LIN7A: variants seen among roughly 807,000 people sequenced by gnomAD.
LIN7A encodes protein lin-7 homolog A.
In LIN7A, 25 loss-of-function variants were observed where a neutral mutation model predicts 29.8. The observed-to-expected ratio is 0.84, with a 90% CI of 0.61 to 1.17. The LOEUF is 1.17. Among genes scored for constraint, LIN7A ranks in the 50% most tolerant of loss-of-function variants. The pLI is 0.00. For missense variants in LIN7A, 239 were observed against 287.0 expected (o/e 0.83, Z 1.21); for synonymous variants, 118 against 107.5 (o/e 1.10, Z -0.60).
chr12:80,860,576 A>C (rs1354288288), intron 2 of LIN7A, among the ~76,000 whole-genome samples: 3 of 152,206 alleles, frequency 2.0e-5, no homozygotes, highest in Non-Finnish European at 1.5e-5. Flanking sequence ...GAGTTAATTC[A>C]GGGTGGTGAA....
At chr12:80,886,702 C>T (rs1175791406) in intron 2 of LIN7A, among the ~76,000 whole-genome samples, 1 of 151,920 alleles carries the variant, frequency 6.6e-6, no homozygotes, top group East Asian at 1.9e-4. Context: ...ATCTGCTTTC[C>T]CTGTGAAAAT....
chr12:80,890,767 C>G (rs758669322), intron 1 of LIN7A, among the ~76,000 whole-genome samples: 1 of 152,056 alleles, frequency 6.6e-6, no homozygotes, highest in Non-Finnish European at 1.5e-5. Flanking sequence ...CCAGACACTT[C>G]CGTAATCAAT....
intron 5 of LIN7A, among the ~76,000 whole-genome samples, chr12:80,807,598 T>G: frequency 6.6e-6 from 1 of 152,214 alleles, no homozygotes; most frequent in East Asian, 1.9e-4. Context: ...AGAATTGGTA[T>G]AAGTCTATAT....
intron 4 of LIN7A, among the ~76,000 whole-genome samples, chr12:80,836,927 T>A (rs1565895882): frequency 6.6e-6 from 1 of 151,910 alleles, no homozygotes; most frequent in Non-Finnish European, 1.5e-5. Context: ...CTGCATGTTT[T>A]CACGTACATT....
intron 2 of LIN7A, among the ~76,000 whole-genome samples, chr12:80,849,407 C>T (rs975725310): frequency 6.6e-6 from 1 of 152,138 alleles, no homozygotes. Flanking sequence ...ATTTTCCCTG[C>T]CCTGCTTCTC....
chr12:80,840,659 T>C lies in LIN7A; in HGVS notation c.483+5071A>G, dbSNP rs971526943. On this transcript the variant is annotated intron_variant, in intron 4 of 5. Coordinates refer to ENST00000552864, the MANE Select transcript of LIN7A (RefSeq NM_004664.4). ...TTTCCATTCAGAAAAAAATGTCTTA[T>C]GAATAGGGTACACAGAGCATAGGTA... Among the ~76,000 whole-genome samples the C allele has an allele frequency of 4.6e-5, 7 of 152,340 alleles. No individual in the cohort carries two copies. The South Asian group carries it at 1.2e-3, about 27-fold the overall frequency.
chr12:80,917,142 T>G (rs1345938387), intron 1 of LIN7A, among the ~76,000 whole-genome samples: 1 of 152,148 alleles, frequency 6.6e-6, no homozygotes, highest in Non-Finnish European at 1.5e-5. Flanking sequence ...GGGTAAGTTA[T>G]TATCTAAGGA....
chr12:80,828,119 T>C (rs998820064), intron 4 of LIN7A, among the ~76,000 whole-genome samples: 1 of 152,214 alleles, frequency 6.6e-6, no homozygotes, highest in South Asian at 2.1e-4. Context: ...AATTTATATC[T>C]TCATAAAACA....
chr12:80,851,286 T>C (rs1049771862), intron 2 of LIN7A, among the ~76,000 whole-genome samples: 3 of 152,028 alleles, frequency 2.0e-5, no homozygotes, highest in African/African-American at 7.2e-5. Flanking sequence ...CAGTGAAATA[T>C]CATTTTAATC....
intron 2 of LIN7A, among the ~76,000 whole-genome samples, chr12:80,881,554 TTAAA>T (rs1263275144): frequency 6.6e-6 from 1 of 151,888 alleles, no homozygotes; most frequent in Non-Finnish European, 1.5e-5. Context: ...TATTAAAACA[TTAAA>T]TACATTAAAA....
At chr12:80,830,294 A>G (rs1415031842) in intron 4 of LIN7A, among the ~76,000 whole-genome samples, 1 of 152,220 alleles carries the variant, frequency 6.6e-6, no homozygotes, top group Non-Finnish European at 1.5e-5. Flanking sequence ...CTAAAATAGA[A>G]AAACTAAGTA....
chr12:80,892,448 A>AG (rs1386556267), intron 1 of LIN7A, among the ~76,000 whole-genome samples: 2 of 152,184 alleles, frequency 1.3e-5, no homozygotes, highest in African/African-American at 4.8e-5. Flanking sequence ...CTGGACTAGG[A>AG]GAAAAAGGCA....
At chr12:80,833,665 T>A (rs1290262571) in intron 4 of LIN7A, among the ~76,000 whole-genome samples, 1 of 152,216 alleles carries the variant, frequency 6.6e-6, no homozygotes, top group African/African-American at 2.4e-5. Context: ...TCAACCCTAC[T>A]CTTTAGCTAC....
intron 4 of LIN7A, among the ~76,000 whole-genome samples, chr12:80,840,876 T>C (rs1310850575): frequency 6.6e-6 from 1 of 152,152 alleles, no homozygotes; most frequent in African/African-American, 2.4e-5. Context: ...GATCAGGTGG[T>C]CTCCTAATCT....
At chr12:80,842,416 A>C (rs1872866524) in intron 4 of LIN7A, among the ~76,000 whole-genome samples, 1 of 152,120 alleles carries the variant, frequency 6.6e-6, no homozygotes, top group African/African-American at 2.4e-5. Context: ...GCCTAAATAT[A>C]TATATAATTT....
chr12:80,834,227 G>C (rs949780006), intron 4 of LIN7A, among the ~76,000 whole-genome samples: 2 of 152,110 alleles, frequency 1.3e-5, no homozygotes, highest in African/African-American at 4.8e-5. Context: ...TGATAAGATA[G>C]GTTCAGGCTG....
At chr12:80,811,754 T>A in intron 4 of LIN7A, 71 bp from the exon 5 acceptor site, 1 of 1,538,314 alleles carries the variant, frequency 6.5e-7, no homozygotes, top group Non-Finnish European at 8.8e-7. Flanking sequence ...AATCTGAAAT[T>A]AATATCACAT....
At chr12:80,803,467 G>A (rs1298020613) in intron 5 of LIN7A, among the ~76,000 whole-genome samples, 1 of 152,110 alleles carries the variant, frequency 6.6e-6, no homozygotes, top group African/African-American at 2.4e-5. Flanking sequence ...GGGTTCTCTA[G>A]CTTGTTCCAT....
At position 80,848,299 on chromosome 12, in the gene LIN7A, C is replaced by T. The variant is rs780444755; in HGVS notation, c.225G>A (p.Thr75=). 11 of 1,612,324 alleles carry T rather than the reference C, an allele frequency of 6.8e-6. No homozygotes were observed. The highest frequency in any genetic ancestry group is 3.3e-5 in the Admixed American group (2 of 59,958). ...IREVYQYMHE[T]ITVNGCPEFR... Reference sequence around the variant, plus strand: ...ATTCGGGACAGCCATTAACAGTTATCGTTTCATGCATATATTGATACACCT... The same window carrying T: ...ATTCGGGACAGCCATTAACAGTTATTGTTTCATGCATATATTGATACACCT... The change falls in exon 3 of 6, where the codon ACG becomes ACA. Residue 75 remains threonine (T), a synonymous_variant. Transcript: ENST00000552864.
Sources: allele counts gnomAD v4.1 joint callset (sites outside exome capture counted in the v4.1 genomes callset), GRCh38; gene constraint gnomAD v4.1.1; transcripts MANE v1.5; gene names NCBI Gene and HGNC (gene_info 2026-07-23, HGNC 2026-07-21).